The following HIPK1 variants were observed in gnomAD, a reference collection of about 807,000 sequenced individuals.
The protein encoded by HIPK1 is homeodomain interacting protein kinase 1, also known as homeodomain-interacting protein kinase 1.
Under a neutral mutation model 117.1 loss-of-function variants are expected in HIPK1, and 28 were observed. The ratio of observed to expected loss-of-function variants is 0.24; its 90% CI spans 0.18 to 0.33. The LOEUF (loss-of-function observed/expected upper bound fraction) is 0.33. HIPK1 is among the 10% of genes least tolerant of loss of function. The probability of loss-of-function intolerance (pLI) is 1.00; values close to 1 mark genes in which losing one functional copy is unlikely to be tolerated. For synonymous variants in HIPK1, 605 were observed against 562.5 expected (o/e 1.08, Z -1.07); for missense variants, 1,122 against 1,475.1 (o/e 0.76, Z 3.92).
chr1:113,930,040 G>C, intron 1 of HIPK1: 1 of 984,378 alleles, frequency 1.0e-6, no homozygotes, highest in Non-Finnish European at 1.2e-6. Context: ...GGAGCGCCCA[G>C]CCTGCCGGGG....
chr1:113,935,528 T>G (rs1192155850), intron 1 of HIPK1, among the ~76,000 whole-genome samples: 1 of 152,272 alleles, frequency 6.6e-6, no homozygotes, highest in Non-Finnish European at 1.5e-5. Flanking sequence ...TATATTCCTT[T>G]GGGTATTTAC....
At chr1:113,929,862 C>T (rs1299463152) in intron 1 of HIPK1, 11 of 987,638 alleles carry the variant, frequency 1.1e-5, no homozygotes, top group African/African-American at 1.7e-5. Context: ...GACCCGGCTG[C>T]GGGGCCCCAG....
chr1:113,958,329 C>A, intron 8 of HIPK1, 38 bp downstream of exon 8: 2 of 1,387,846 alleles, frequency 1.4e-6, no homozygotes, highest in Non-Finnish European at 2.0e-6. Context: ...GGTATTGTAT[C>A]AGACCTACCT....
chr1:113,966,866 A>G (rs1672483907), intron 11 of HIPK1, among the ~76,000 whole-genome samples: 1 of 145,948 alleles, frequency 6.9e-6, no homozygotes, highest in East Asian at 2.0e-4. Context: ...CCCATTAACC[A>G]TCCCTACCTC....
chr1:113,931,216 G>T, intron 1 of HIPK1, among the ~76,000 whole-genome samples: 2 of 147,374 alleles, frequency 1.4e-5, no homozygotes, highest in African/African-American at 2.5e-5. Context: ...ACTATTACTA[G>T]CTTTTTTCAT....
At chr1:113,935,144 C>T (rs1670171144) in intron 1 of HIPK1, among the ~76,000 whole-genome samples, 1 of 151,714 alleles carries the variant, frequency 6.6e-6, no homozygotes, top group Admixed American at 6.6e-5. Flanking sequence ...AGCATAGTGC[C>T]TGACATTTAT....
At chr1:113,929,555 G>A (rs1427936854) in intron 1 of HIPK1, 23 bp downstream of exon 1, 1 of 1,280,964 alleles carries the variant, frequency 7.8e-7, no homozygotes, top group Non-Finnish European at 1.0e-6. Context: ...GCGCGGGGCG[G>A]GTGAATAGTT....
chr1:113,968,476 T>A lies in HIPK1; in HGVS notation c.2599T>A (p.Ser867Thr). The change falls in exon 13 of 16, where the codon TCT becomes ACT. Residue 867 changes from serine (S) to threonine (T), a missense_variant. Transcript: ENST00000426820. ...SLDVLPSQVY[S>T]LVGSSPLRTT... Reference sequence around the variant, plus strand: ...AGATGTTCTGCCTTCCCAAGTCTATTCTCTGGTTGGGAGCAGTCCCCTCCG... The same window carrying A: ...AGATGTTCTGCCTTCCCAAGTCTATACTCTGGTTGGGAGCAGTCCCCTCCG... 6.2e-7 allele frequency: 1 copy of A among 1,614,030 alleles called. No individual in the cohort carries two copies. The highest frequency in any genetic ancestry group is 8.5e-7 in the Non-Finnish European group (1 of 1,179,878).
intron 7 of HIPK1, 32 bp from the exon 8 acceptor site, chr1:113,958,034 C>T: frequency 2.1e-6 from 3 of 1,429,278 alleles, no homozygotes; most frequent in Non-Finnish European, 3.0e-6. Flanking sequence ...CTACTTAATA[C>T]AAGTGTACAA....
intron 3 of HIPK1, among the ~76,000 whole-genome samples, chr1:113,953,173 C>T (rs1489210192): frequency 6.6e-6 from 1 of 152,118 alleles, no homozygotes; most frequent in East Asian, 1.9e-4. Context: ...CTTTCATTAA[C>T]TTATGTGCTT....
At chr1:113,960,819 A>T (rs1269047984) in intron 8 of HIPK1, among the ~76,000 whole-genome samples, 1 of 152,136 alleles carries the variant, frequency 6.6e-6, no homozygotes, top group Non-Finnish European at 1.5e-5. Flanking sequence ...ACGTTGCTGG[A>T]TTGTATTTTT....
At chr1:113,953,297 T>TC (rs1671489180) in intron 3 of HIPK1, among the ~76,000 whole-genome samples, 1 of 152,142 alleles carries the variant, frequency 6.6e-6, no homozygotes, top group African/African-American at 2.4e-5. Context: ...AGTACTTTCT[T>TC]CAGACTGAAA....
intron 7 of HIPK1, 89 bp downstream of exon 7, chr1:113,957,375 T>C (rs1671793861): frequency 9.8e-7 from 1 of 1,023,106 alleles, no homozygotes; most frequent in African/African-American, 1.6e-5. Context: ...AATTTTTGTT[T>C]TGGTGGTCTT....
chr1:113,939,744 A>G (rs1670521249), intron 1 of HIPK1, among the ~76,000 whole-genome samples: 1 of 152,136 alleles, frequency 6.6e-6, no homozygotes, highest in African/African-American at 2.4e-5. Context: ...GAAGATAAAT[A>G]TGAAATGGCT....
chr1:113,974,817 C>CT lies in HIPK1; in HGVS notation c.*1306dup, dbSNP rs1421582880. ...AAAATATAACAAGCAATTTTTCCTG[C>CT]TAACCCAAAATGTTATTTGTAATCA... On this transcript the variant is annotated 3_prime_UTR_variant, in exon 16 of 16. Transcript: ENST00000426820. The CT allele has an allele frequency of 1.3e-5, 2 of 152,592 alleles. No individual in the cohort carries two copies. The highest frequency in any genetic ancestry group is 2.9e-5 in the Non-Finnish European group (2 of 68,014). The allele number at this position is 152,592 out of a possible 1,614,324, so 9.5% of individuals were successfully genotyped here.
At chr1:113,970,300 T>C (rs1672735562) in intron 14 of HIPK1, 103 bp downstream of exon 14, 4 of 1,258,044 alleles carry the variant, frequency 3.2e-6, no homozygotes, top group East Asian at 2.3e-5. Flanking sequence ...ACCAGTGGTG[T>C]AGACATTCTT....
Position 113,957,263 on chromosome 1 carries a change from C to T in HIPK1, c.1732C>T (p.Gln578Ter). 6.2e-7 allele frequency: 1 copy of T among 1,613,390 alleles called. No individual in the cohort carries two copies. The highest frequency in any genetic ancestry group is 2.2e-5 in the East Asian group (1 of 44,868). ...STNLTMSFSN[Q>*]LNTVHNQASV... Reference sequence around the variant, plus strand: ...AAATCTAACCATGAGCTTCAGCAATCAGCTCAATACAGTGCACAATCAGGT... The same window carrying T: ...AAATCTAACCATGAGCTTCAGCAATTAGCTCAATACAGTGCACAATCAGGT... Residue 578 changes from glutamine (Q) to a stop codon, truncating the protein, a stop_gained, in exon 7 of 16, where the codon CAG becomes TAG. Coordinates refer to ENST00000426820, the MANE Select transcript of HIPK1 (RefSeq NM_198268.3). LOFTEE classifies it high-confidence loss of function.
chr1:113,938,218 C>T (rs1670376680), intron 1 of HIPK1, among the ~76,000 whole-genome samples: 1 of 151,626 alleles, frequency 6.6e-6, no homozygotes, highest in Non-Finnish European at 1.5e-5. Flanking sequence ...GATCCTTCCA[C>T]CTTGGGTTCC....
At chr1:113,934,182 A>G (rs778974215) in intron 1 of HIPK1, among the ~76,000 whole-genome samples, 4 of 152,252 alleles carry the variant, frequency 2.6e-5, no homozygotes, top group Non-Finnish European at 4.4e-5. Context: ...GTTAAATTGT[A>G]TGAAAGAGGC....
Sources: allele counts gnomAD v4.1 joint callset (sites outside exome capture counted in the v4.1 genomes callset), GRCh38; gene constraint gnomAD v4.1.1; transcripts MANE v1.5; gene names NCBI Gene and HGNC (gene_info 2026-07-23, HGNC 2026-07-21).